The following RBFOX1 variants were observed in gnomAD, a reference collection of about 807,000 sequenced individuals.
The protein encoded by RBFOX1 is RNA binding fox-1 homolog 1, also known as RNA binding protein fox-1 homolog 1.
A neutral mutation model predicts 57.7 loss-of-function variants in RBFOX1; 8 were observed. The ratio of observed to expected loss-of-function variants is 0.14; its 90% CI spans 0.08 to 0.25. The LOEUF is 0.25. Among genes scored for constraint, RBFOX1 ranks in the 10% least tolerant of loss-of-function variants. The pLI is 1.00. For synonymous variants in RBFOX1, 326 were observed against 222.4 expected (o/e 1.47, Z -4.15); for missense variants, 611 against 548.5 (o/e 1.11, Z -1.14).
chr16:6,547,728 G>C (rs2096915976), intron 2 of RBFOX1, among the ~76,000 whole-genome samples: 1 of 151,518 alleles, frequency 6.6e-6, no homozygotes, highest in Non-Finnish European at 1.5e-5. Flanking sequence ...AATCTACTCT[G>C]GGATACATTT....
intron 1 of RBFOX1, among the ~76,000 whole-genome samples, chr16:5,391,328 A>T (rs2066401507): frequency 8.1e-6 from 1 of 124,104 alleles, no homozygotes; most frequent in Non-Finnish European, 1.8e-5. Flanking sequence ...TTCCTCCTAG[A>T]GGCTTTAGGG....
intron 4 of RBFOX1, among the ~76,000 whole-genome samples, chr16:7,271,229 G>C (rs1040893875): frequency 2.6e-5 from 4 of 151,918 alleles, no homozygotes; most frequent in African/African-American, 9.7e-5. Flanking sequence ...GCTTGCCTTT[G>C]TCTACACGTG....
chr16:7,401,585 G>T (rs1429605433), intron 4 of RBFOX1, among the ~76,000 whole-genome samples: 1 of 152,156 alleles, frequency 6.6e-6, no homozygotes, highest in African/African-American at 2.4e-5. Flanking sequence ...TCCCTATGTT[G>T]TTTATGCTCT....
chr16:7,045,171 G>T lies in RBFOX1; in HGVS notation c.-15-6886G>T, dbSNP rs569201798. Among the ~76,000 whole-genome samples the T allele has an allele frequency of 1.8e-4, 27 of 152,238 alleles. No homozygotes were observed. The South Asian group carries it at 2.9e-3, about 16-fold the overall frequency. ...GTATGTCACTGGATTGACTCAAATTGGCCAGGGACTCCCACTTCCAAACAA... is the reference window on the plus strand; with the variant it reads ...GTATGTCACTGGATTGACTCAAATTTGCCAGGGACTCCCACTTCCAAACAA... On this transcript the variant is annotated intron_variant, in intron 3 of 15. Transcript: ENST00000550418.
intron 4 of RBFOX1, among the ~76,000 whole-genome samples, chr16:7,495,679 A>G (rs144028067): frequency 1.3e-5 from 2 of 152,124 alleles, no homozygotes; most frequent in Non-Finnish European, 2.9e-5. Flanking sequence ...AATTTATTCA[A>G]GTTTTAATAT....
chr16:7,487,524 A>G (rs573808673), intron 4 of RBFOX1, among the ~76,000 whole-genome samples: 1 of 152,308 alleles, frequency 6.6e-6, no homozygotes, highest in Admixed American at 6.5e-5. Flanking sequence ...GAATGGATGA[A>G]CATTCCTTAA....
At chr16:6,793,124 G>T (rs558330468) in intron 3 of RBFOX1, among the ~76,000 whole-genome samples, 2 of 151,988 alleles carry the variant, frequency 1.3e-5, no homozygotes, top group Non-Finnish European at 2.9e-5. Context: ...TACGCCTGCT[G>T]TCACCAGATT....
chr16:7,449,017 C>A (rs1225353580), intron 4 of RBFOX1, among the ~76,000 whole-genome samples: 1 of 149,992 alleles, frequency 6.7e-6, no homozygotes, highest in Non-Finnish European at 1.5e-5. Context: ...ACAACCTCCA[C>A]CTCCCGGGTT....
chr16:5,994,384 A>G (rs1391872601), intron 4 of RBFOX1, among the ~76,000 whole-genome samples: 1 of 151,958 alleles, frequency 6.6e-6, no homozygotes, highest in East Asian at 1.9e-4. Flanking sequence ...CTGGTCTCGA[A>G]CTCCTGGCCT....
chr16:7,136,330 C>T lies in RBFOX1; in HGVS notation c.27+84232C>T, dbSNP rs181396958. Reference sequence around the variant, plus strand: ...TAGCCACATCTCAAGTGTCCAATGACCCCCCTGTGACTAGTAGCTGTCATA... The same window carrying T: ...TAGCCACATCTCAAGTGTCCAATGATCCCCCTGTGACTAGTAGCTGTCATA... On this transcript the variant is annotated intron_variant, in intron 4 of 15. Transcript: ENST00000550418. Among the ~76,000 whole-genome samples the T allele has an allele frequency of 2.4e-3, 367 of 151,976 alleles. 3 individuals are homozygous for T. The highest frequency in any genetic ancestry group is 8.2e-3 in the African/African-American group (340 of 41,428).
intron 10 of RBFOX1, among the ~76,000 whole-genome samples, chr16:7,625,343 G>C (rs2142262340): frequency 6.6e-6 from 1 of 152,164 alleles, no homozygotes; most frequent in Admixed American, 6.5e-5. Flanking sequence ...AGTCTTTTCT[G>C]TTATAAAAGA....
chr16:5,545,115 T>TAGA (rs2045136587), intron 2 of RBFOX1, among the ~76,000 whole-genome samples: 1 of 151,988 alleles, frequency 6.6e-6, no homozygotes, highest in Non-Finnish European at 1.5e-5. Flanking sequence ...TAGCTGGGAT[T>TAGA]ACAGGCACCT....
At chr16:5,787,069 G>A (rs1022883833) in intron 3 of RBFOX1, among the ~76,000 whole-genome samples, 1 of 152,214 alleles carries the variant, frequency 6.6e-6, no homozygotes, top group African/African-American at 2.4e-5. Context: ...AGGAGGTGGA[G>A]GTTGCAGTGT....
At chr16:7,100,229 T>C (rs1453661972) in intron 4 of RBFOX1, among the ~76,000 whole-genome samples, 1 of 152,160 alleles carries the variant, frequency 6.6e-6, no homozygotes, top group Non-Finnish European at 1.5e-5. Flanking sequence ...TCAGTGCTGA[T>C]ATCAGTGTTG....
Position 5,483,269 on chromosome 16 carries a change from T to A in RBFOX1, c.258+16015T>A, listed in dbSNP as rs190641872. Among the ~76,000 whole-genome samples, 11 of 152,312 alleles carry A rather than the reference T, an allele frequency of 7.2e-5. No individual in the cohort carries two copies. In the Middle Eastern group the frequency reaches 0.014, roughly 188 times the overall value. On this transcript the variant is annotated intron_variant, in intron 2 of 2. Transcript: ENST00000585867. ...GCACCAGTAGCAAGGATGGCAGACA[T>A]GTGGCACGTACTCCCACTTCATGCT...
At chr16:5,274,792 T>C (rs2151132626) in intron 1 of RBFOX1, among the ~76,000 whole-genome samples, 1 of 152,336 alleles carries the variant, frequency 6.6e-6, no homozygotes, top group African/African-American at 2.4e-5. Flanking sequence ...AAGATCTGTC[T>C]CTGGCAGAGC....
intron 3 of RBFOX1, among the ~76,000 whole-genome samples, chr16:6,700,239 G>C (rs538552783): frequency 6.6e-6 from 1 of 152,158 alleles, no homozygotes; most frequent in Admixed American, 6.5e-5. Context: ...GTCCTTTCCT[G>C]ATCTCAGGGC....
chr16:7,531,070 C>G (rs968848726), intron 5 of RBFOX1, among the ~76,000 whole-genome samples: 1 of 151,980 alleles, frequency 6.6e-6, no homozygotes, highest in East Asian at 1.9e-4. Context: ...ACCATCAGGA[C>G]CAGTTAATGT....
At chr16:6,768,693 A>G (rs961346583) in intron 3 of RBFOX1, among the ~76,000 whole-genome samples, 1 of 145,402 alleles carries the variant, frequency 6.9e-6, no homozygotes, top group Non-Finnish European at 1.5e-5. Context: ...ATATATATGT[A>G]CCTATATATA....
Sources: gnomAD v4.1 joint callset for allele counts (sites outside exome capture counted in the v4.1 genomes callset) on GRCh38, gnomAD v4.1.1 for gene constraint, MANE v1.5 for transcripts, NCBI Gene and HGNC (gene_info 2026-07-23, HGNC 2026-07-21) for gene names.